Variants in ZNF514 observed in about 807,000 individuals in gnomAD.
ZNF514 encodes the protein zinc finger protein 514.
Under a neutral mutation model 9.7 loss-of-function variants are expected in ZNF514, and 12 were observed. The observed-to-expected ratio is 1.24, with a 90% CI of 0.79 to 2.01. The LOEUF (loss-of-function observed/expected upper bound fraction) is 2.01, where lower values mean the gene tolerates loss of function less well. ZNF514 is among the 30% of genes most tolerant of loss of function. The pLI is 0.00. For missense variants in ZNF514, 467 were observed against 465.5 expected, an observed-to-expected ratio of 1.00 and a Z score of -0.03; for synonymous variants, 158 against 163.7, an observed-to-expected ratio of 0.97 and a Z score of 0.27.
intron 2 of ZNF514, chr2:95,154,491 AT>A (rs1673635964): frequency 1.3e-5 from 2 of 152,264 alleles, no homozygotes; most frequent in Admixed American, 1.3e-4. Flanking sequence ...GTGGCAACCC[AT>A]GTAATTTGGT....
intron 1 of ZNF514, among the ~76,000 whole-genome samples, chr2:95,158,467 C>G (rs1673746531): frequency 1.3e-5 from 2 of 152,188 alleles, no homozygotes; most frequent in Admixed American, 6.5e-5. Context: ...TGCCCTGCCC[C>G]CAACGCTATT....
intron 4 of ZNF514, among the ~76,000 whole-genome samples, chr2:95,151,683 G>A (rs1673550279): frequency 6.6e-6 from 1 of 152,164 alleles, no homozygotes; most frequent in African/African-American, 2.4e-5. Flanking sequence ...CCTAACCAGT[G>A]GTCCCAGAGG....
intron 2 of ZNF514, 50 bp from the exon 3 acceptor site, chr2:95,153,309 A>T: frequency 6.4e-7 from 1 of 1,570,158 alleles, no homozygotes; most frequent in South Asian, 1.2e-5. Flanking sequence ...TATCAATATG[A>T]AACTGCTAGG....
chr2:95,136,265 T>G, the ZNF514 span, among the ~76,000 whole-genome samples: 1 of 147,866 alleles, frequency 6.8e-6, no homozygotes, highest in South Asian at 2.2e-4. Flanking sequence ...TCTACAATGC[T>G]TTTTTTTTTG....
In ZNF514 at chr2:95,146,429, T is replaced by C. The variant is rs1673361300; in HGVS notation, c.*2853A>G. 6.6e-6 allele frequency among the ~76,000 whole-genome samples: 1 copy of C among 152,124 alleles called. No individual in the cohort carries two copies. The highest frequency in any genetic ancestry group is 2.1e-4 in the South Asian group (1 of 4,828). ...AAATTTACACAGGTTTCTGACTGAT[T>C]ATGTAGGCTTTAGGTAAGTAGAGAA... On this transcript the variant is annotated 3_prime_UTR_variant, in exon 5 of 5. Transcript: ENST00000295208.
chr2:95,143,913 CTA>C (rs1213880866), downstream of ZNF514, among the ~76,000 whole-genome samples: 1 of 152,216 alleles, frequency 6.6e-6, no homozygotes, highest in Non-Finnish European at 1.5e-5. Context: ...GTTTACCTAA[CTA>C]GTTTGTTTAT....
rs1291809347 is a variant in ZNF514 at position 95,148,048 on chromosome 2, T to A, written c.*1234A>T. 1 of 152,216 alleles carries A rather than the reference T, an allele frequency of 6.6e-6. No homozygotes were observed. The highest frequency in any genetic ancestry group is 1.5e-5 in the Non-Finnish European group (1 of 68,048). 9.4% of individuals were successfully genotyped at this position (152,216 alleles called of 1,614,324 possible). On this transcript the variant is annotated 3_prime_UTR_variant, in exon 5 of 5. Coordinates refer to ENST00000295208, the MANE Select transcript of ZNF514 (RefSeq NM_032788.3). ...TGCTTTTTGCTCAATCCTAGACCAC[T>A]CCATTGCCTCACAAAGAAAGGTAAC...
At chr2:95,134,572 G>C in the ZNF514 span, among the ~76,000 whole-genome samples, 1 of 152,144 alleles carries the variant, frequency 6.6e-6, no homozygotes, top group Non-Finnish European at 1.5e-5. Context: ...GGCAGTTTTA[G>C]AACATCTATT....
chr2:95,124,340 A>G, the ZNF514 span, among the ~76,000 whole-genome samples: 1 of 152,210 alleles, frequency 6.6e-6, no homozygotes, highest in African/African-American at 2.4e-5. Context: ...TTCACTCAGC[A>G]TAATACCCTT....
At chr2:95,126,343 C>T in the ZNF514 span, among the ~76,000 whole-genome samples, 1 of 123,834 alleles carries the variant, frequency 8.1e-6, no homozygotes, top group Non-Finnish European at 1.6e-5. Flanking sequence ...TGCACTCCAG[C>T]CTGGGCAACA....
In ZNF514 at chr2:95,147,423, T is replaced by C. The variant is rs1372096288; in HGVS notation, c.*1859A>G. ...AATGATTTTTAGTGAAGTTACCAAA[T>C]CGTTCAACCATCACCACCATCTAGT... On this transcript the variant is annotated 3_prime_UTR_variant, in exon 5 of 5. Transcript: ENST00000295208. The C allele has an allele frequency of 1.3e-5, 2 of 152,190 alleles. No homozygotes were observed. Among genetic ancestry groups the C allele is most frequent in the Non-Finnish European group, 2.9e-5 (2 of 68,040 alleles). The allele number at this position is 152,190 out of a possible 1,614,324, so 9.4% of individuals were successfully genotyped here.
chr2:95,126,392 A>AAAG, the ZNF514 span, among the ~76,000 whole-genome samples: 838 of 84,330 alleles, frequency 9.9e-3, 1 homozygote, highest in Non-Finnish European at 0.013. Flanking sequence ...AAAAAAAAAA[A>AAAG]AAAGAAAGAA....
chr2:95,135,253 T>C, the ZNF514 span, among the ~76,000 whole-genome samples: 1 of 152,192 alleles, frequency 6.6e-6, no homozygotes, highest in African/African-American at 2.4e-5. Flanking sequence ...TATTTATATC[T>C]TCTTTAATTT....
At chr2:95,156,021 T>C (rs1440817929) in intron 2 of ZNF514, among the ~76,000 whole-genome samples, 2 of 152,232 alleles carry the variant, frequency 1.3e-5, no homozygotes, top group Non-Finnish European at 2.9e-5. Flanking sequence ...TCTTTCTAAC[T>C]GCGAGCCATT....
chr2:95,148,185 T>C lies in ZNF514; in HGVS notation c.*1097A>G, dbSNP rs886303034. On this transcript the variant is annotated 3_prime_UTR_variant, in exon 5 of 5. Coordinates refer to ENST00000295208, the MANE Select transcript of ZNF514 (RefSeq NM_032788.3). ...GAAAGAGGCCCAGCCCAGTTAGGAC[T>C]ATAGGCCAAGGCATGTCACTTTCTG... 6.6e-6 allele frequency: 1 copy of C among 152,220 alleles called. No homozygotes were observed. The highest frequency in any genetic ancestry group is 2.4e-5 in the African/African-American group (1 of 41,442). 9.4% of individuals were successfully genotyped at this position (152,220 alleles called of 1,614,324 possible).
the ZNF514 span, among the ~76,000 whole-genome samples, chr2:95,123,390 T>C: frequency 6.6e-6 from 1 of 152,352 alleles, no homozygotes; most frequent in African/African-American, 2.4e-5. Context: ...AGTATAGATC[T>C]ATACTTCTAA....
intron 4 of ZNF514, among the ~76,000 whole-genome samples, chr2:95,151,680 A>G (rs941201321): frequency 9.2e-5 from 14 of 152,238 alleles, no homozygotes; most frequent in African/African-American, 3.4e-4. Context: ...ATGCCTAACC[A>G]GTGGTCCCAG....
Position 95,157,000 on chromosome 2 carries a change from C to T in ZNF514, c.-7+351G>A, listed in dbSNP as rs182830422. 3.7e-4 allele frequency among the ~76,000 whole-genome samples: 57 copies of T among 152,338 alleles called. 1 individual carries two copies. The highest frequency in any genetic ancestry group is 1.3e-3 in the African/African-American group (56 of 41,580). ...CTGTCTGTGCCACTCCATTTGGCAT[C>T]AAACCATTCACATCCTGTTACTGGT... On this transcript the variant is annotated intron_variant, in intron 2 of 4. Transcript: ENST00000295208.
the ZNF514 span, among the ~76,000 whole-genome samples, chr2:95,126,390 A>AG: frequency 6.7e-6 from 1 of 148,880 alleles, no homozygotes; most frequent in African/African-American, 2.5e-5. Flanking sequence ...AAAAAAAAAA[A>AG]AAAAAGAAAG....
Sources: allele counts gnomAD v4.1 joint callset (sites outside exome capture counted in the v4.1 genomes callset), GRCh38; gene constraint gnomAD v4.1.1; transcripts MANE v1.5; gene names NCBI Gene and HGNC (gene_info 2026-07-23, HGNC 2026-07-21).